The following ZNF557 variants were observed in gnomAD, a reference collection of about 807,000 sequenced individuals.
The protein encoded by ZNF557 is CTB-25J19.9.
A neutral mutation model predicts 21.2 loss-of-function variants in ZNF557; 19 were observed. That is an observed-to-expected ratio of 0.90 (90% CI 0.63 to 1.32). The LOEUF is 1.32. Among genes scored for constraint, ZNF557 ranks in the 40% most tolerant of loss-of-function variants. The pLI is 0.00. For synonymous variants in ZNF557, 207 were observed against 194.8 expected (o/e 1.06, Z -0.52); for missense variants, 487 against 519.8 (o/e 0.94, Z 0.61).
At chr19:7,080,233 G>A (rs1977670696) in intron 5 of ZNF557, among the ~76,000 whole-genome samples, 1 of 151,448 alleles carries the variant, frequency 6.6e-6, no homozygotes, top group South Asian at 2.1e-4. Flanking sequence ...GAACCCAGGA[G>A]GTGGAGGTTG....
intron 5 of ZNF557, among the ~76,000 whole-genome samples, chr19:7,079,435 G>GAT (rs1555729906): frequency 0.32 from 48,715 of 151,222 alleles, 9,172 homozygotes; most frequent in Non-Finnish European, 0.42. Context: ...TAGAGACAGG[G>GAT]TTCACCGTGT....
At position 7,073,794 on chromosome 19, in the gene ZNF557, G is replaced by A. The variant is rs1020464387; in HGVS notation, c.-79-1202G>A. Among the ~76,000 whole-genome samples, 15 of 152,264 alleles carry A rather than the reference G, an allele frequency of 9.9e-5. No homozygotes were observed. The East Asian group carries it at 2.5e-3, about 26-fold the overall frequency. ...CACCCAGGATAAATTCCCTGGGCAA[G>A]AGATCTAGAAGGAAGCCAGGGCCTG... On this transcript the variant is annotated intron_variant, in intron 2 of 7. Transcript: ENST00000252840.
intron 5 of ZNF557, among the ~76,000 whole-genome samples, chr19:7,078,219 T>A (rs1481836712): frequency 6.6e-6 from 1 of 152,174 alleles, no homozygotes; most frequent in Non-Finnish European, 1.5e-5. Flanking sequence ...TGGTTTCTGG[T>A]GACAAATCAG....
Position 7,082,034 on chromosome 19 carries a change from A to C in ZNF557, c.408A>C (p.Gln136His). ...AGCTGCATGTTTTTCGAAAAGAACAATCTAGAAATATGAAAATGGTAAGAC... is the reference window on the plus strand; with the variant it reads ...AGCTGCATGTTTTTCGAAAAGAACACTCTAGAAATATGAAAATGGTAAGAC... Reference protein sequence around the residue: ...TPKLHVFRKEQSRNMKMERNH... With the variant: ...TPKLHVFRKEHSRNMKMERNH... Residue 136 changes from glutamine to histidine, a missense_variant, in exon 7 of 8, where the codon CAA becomes CAC. Transcript: ENST00000252840. The C allele has an allele frequency of 6.2e-7, 1 of 1,613,638 alleles. No individual in the cohort carries two copies. The highest frequency in any genetic ancestry group is 8.5e-7 in the Non-Finnish European group (1 of 1,179,538).
rs11271612 is a variant in ZNF557, at chr19:7,087,202, CTTTTTTTTTTTT to C, written c.*3471_*3482del. ...GACACAAAGCATAGAGTTAAAAGAG[CTTTTTTTTTTTT>C]TTTTTTTTTTTTCTTCACTGTGGTG... On this transcript the variant is annotated 3_prime_UTR_variant, in exon 8 of 8. Coordinates refer to ENST00000252840, the MANE Select transcript of ZNF557 (RefSeq NM_024341.3). The C allele has an allele frequency of 3.9e-5, 2 of 51,692 alleles. No homozygotes were observed. The highest frequency in any genetic ancestry group is 1.7e-4 in the African/African-American group (2 of 11,596). 3.2% of individuals were successfully genotyped at this position (51,692 alleles called of 1,614,324 possible). A position where few individuals can be genotyped will look rare whatever the true frequency, so the allele number is the denominator to read the frequency against.
At chr19:7,081,548 T>A (rs906287086) in intron 6 of ZNF557, 93 bp downstream of exon 6, 29 of 869,152 alleles carry the variant, frequency 3.3e-5, no homozygotes, top group Admixed American at 2.5e-4. Context: ...GAAATATCAG[T>A]CAGAGAACTG....
Position 7,076,376 on chromosome 19 carries a change from T to C in ZNF557, c.121-5T>C. On this transcript the variant is annotated splice_polypyrimidine_tract_variant and splice_region_variant and intron_variant, in intron 4 of 7. Coordinates refer to ENST00000252840, the MANE Select transcript of ZNF557 (RefSeq NM_024341.3). ...GGCTAAGCCGTGATGTTTGCAATGCTTTAGGGCTTGGTGACCTTTGAGGAT... is the reference window on the plus strand; with the variant it reads ...GGCTAAGCCGTGATGTTTGCAATGCCTTAGGGCTTGGTGACCTTTGAGGAT... 6.2e-7 allele frequency: 1 copy of C among 1,614,202 alleles called. No individual in the cohort carries two copies. Among genetic ancestry groups the C allele is most frequent in the Non-Finnish European group, 8.5e-7 (1 of 1,180,040 alleles).
chr19:7,085,806 AGTG>A lies in ZNF557; in HGVS notation c.*2065_*2067del, dbSNP rs1443793054. The A allele has an allele frequency of 6.6e-6, 1 of 152,202 alleles. No individual in the cohort carries two copies. Among genetic ancestry groups the A allele is most frequent in the African/African-American group, 2.4e-5 (1 of 41,444 alleles). The allele number at this position is 152,202 out of a possible 1,614,324, so 9.4% of individuals were successfully genotyped here. On this transcript the variant is annotated 3_prime_UTR_variant, in exon 8 of 8. Transcript: ENST00000252840. ...TTTTAATATAAACATTTATGGCTAT[AGTG>A]GTCCTGAAAATCTTACTACCTCGTT...
intron 5 of ZNF557, among the ~76,000 whole-genome samples, chr19:7,076,717 T>C (rs955291287): frequency 2.0e-5 from 3 of 152,064 alleles, no homozygotes; most frequent in African/African-American, 2.4e-5. Context: ...ATAAGCCCCA[T>C]AGTCATGAAA....
intron 3 of ZNF557, among the ~76,000 whole-genome samples, chr19:7,075,359 A>C (rs1171395076): frequency 6.6e-6 from 1 of 152,210 alleles, no homozygotes; most frequent in Non-Finnish European, 1.5e-5. Flanking sequence ...GAACCTGATA[A>C]AAACACAGTG....
chr19:7,083,488 A>C lies in ZNF557; in HGVS notation c.1037A>C (p.Lys346Thr), dbSNP rs1599845284. The C allele has an allele frequency of 6.2e-7, 1 of 1,614,160 alleles. No individual in the cohort carries two copies. Among genetic ancestry groups the C allele is most frequent in the East Asian group, 2.2e-5 (1 of 44,886 alleles). ...CACATAAGAACTCATACTGGAGAAAAACCCTACACATGTAATGAGTGTGGG... is the reference window on the plus strand; with the variant it reads ...CACATAAGAACTCATACTGGAGAAACACCCTACACATGTAATGAGTGTGGG... ...TQHIRTHTGE[K>T]PYTCNECGKS... Residue 346 changes from lysine to threonine, a missense_variant, in exon 8 of 8, where the codon AAA (lysine) becomes ACA (threonine). Lys to Thr is a moderately conservative substitution (Grantham distance 78). Transcript: ENST00000252840.
intron 5 of ZNF557, among the ~76,000 whole-genome samples, chr19:7,080,293 G>A (rs925031793): frequency 6.6e-5 from 10 of 152,160 alleles, no homozygotes; most frequent in East Asian, 1.9e-4. Flanking sequence ...GACAGAGCAA[G>A]ACTCCATCTT....
intron 2 of ZNF557, among the ~76,000 whole-genome samples, chr19:7,071,603 G>A (rs187640902): frequency 0.011 from 1,738 of 152,228 alleles, 18 homozygotes; most frequent in Non-Finnish European, 0.017. Context: ...CAGAACTTTG[G>A]GAGGCCGAGG....
intron 2 of ZNF557, among the ~76,000 whole-genome samples, chr19:7,074,459 A>G (rs1977532413): frequency 6.6e-6 from 1 of 151,650 alleles, no homozygotes; most frequent in African/African-American, 2.4e-5. Context: ...ATTGATATCT[A>G]GAGATCTTCT....
Position 7,081,450 on chromosome 19 carries a change from G to C in ZNF557, c.338G>C (p.Cys113Ser). ...TEERGILSGT[C>S]PDVENPFKAK... ...GAGAGAGGAATTCTCTCAGGTACCT[G>C]TCCAGGTGAGCACCAGGTGGATATA... Residue 113 changes from cysteine to serine, a missense_variant, in exon 6 of 8, where the codon TGT becomes TCT. By Grantham distance (112) the Cys-to-Ser change is moderately radical. Transcript: ENST00000252840. 2 of 1,611,022 alleles carry C rather than the reference G, an allele frequency of 1.2e-6. No homozygotes were observed. Among genetic ancestry groups the C allele is most frequent in the Non-Finnish European group, 1.7e-6 (2 of 1,177,654 alleles).
chr19:7,073,865 G>A (rs1977514759), intron 2 of ZNF557, among the ~76,000 whole-genome samples: 1 of 152,146 alleles, frequency 6.6e-6, no homozygotes, highest in Admixed American at 6.5e-5. Context: ...GAGTGGCCCT[G>A]CCTTCCATGA....
At chr19:7,075,238 T>G in intron 3 of ZNF557, 133 bp downstream of exon 3, 2 of 1,287,148 alleles carry the variant, frequency 1.6e-6, no homozygotes, top group South Asian at 2.4e-5. Context: ...GTCCTCCGTG[T>G]CTGATCGGGC....
chr19:7,076,286 T>A, intron 4 of ZNF557, 95 bp from the exon 5 acceptor site: 1 of 1,612,764 alleles, frequency 6.2e-7, no homozygotes, highest in Non-Finnish European at 8.5e-7. Context: ...CGTGCTCAGG[T>A]TTCCCCAGCC....
intron 2 of ZNF557, among the ~76,000 whole-genome samples, chr19:7,071,672 C>T (rs764136177): frequency 6.6e-6 from 1 of 151,540 alleles, no homozygotes; most frequent in Non-Finnish European, 1.5e-5. Flanking sequence ...GGTGAAACCC[C>T]GTCTGTACTA....
Sources: gnomAD v4.1 joint callset for allele counts (sites outside exome capture counted in the v4.1 genomes callset) on GRCh38, gnomAD v4.1.1 for gene constraint, MANE v1.5 for transcripts, NCBI Gene and HGNC (gene_info 2026-07-23, HGNC 2026-07-21) for gene names.